Variants in SMYD3 observed in about 807,000 individuals in gnomAD.
The protein encoded by SMYD3 is SET and MYND domain containing 3.
SMYD3 carries 36 observed loss-of-function variants against 57.7 expected under a neutral mutation model. The ratio of observed to expected loss-of-function variants is 0.62; its 90% CI spans 0.48 to 0.82. SMYD3 has a LOEUF of 0.82. Among genes scored for constraint, SMYD3 ranks in the 40% least tolerant of loss-of-function variants. SMYD3 has a pLI of 0.00. For synonymous variants in SMYD3, 211 were observed against 195.0 expected (o/e 1.08, Z -0.68); for missense variants, 515 against 538.8 (o/e 0.96, Z 0.44).
intron 7 of SMYD3, among the ~76,000 whole-genome samples, chr1:245,924,654 G>GGTTTTTTTTTTTTT (rs1558499827): frequency 8.7e-6 from 1 of 115,128 alleles, no homozygotes. Context: ...CTCTATTCCA[G>GGTTTTTTTTTTTTT]CTTTTTTTTT....
At chr1:246,031,597 C>T (rs1404995998) in intron 5 of SMYD3, among the ~76,000 whole-genome samples, 1 of 151,964 alleles carries the variant, frequency 6.6e-6, no homozygotes, top group Non-Finnish European at 1.5e-5. Flanking sequence ...ATTAGCCAGG[C>T]GTGGTGGCGG....
At chr1:246,291,025 T>C (rs1390512226) in intron 5 of SMYD3, among the ~76,000 whole-genome samples, 3 of 143,950 alleles carry the variant, frequency 2.1e-5, no homozygotes, top group Non-Finnish European at 4.5e-5. Flanking sequence ...TAAACAAGCT[T>C]TTAAGCGTGA....
rs566294011 is a variant in SMYD3, at chr1:245,749,354, C to G, written c.*209G>C. The G allele has an allele frequency of 2.0e-6, 1 of 505,950 alleles. No individual in the cohort carries two copies. The highest frequency in any genetic ancestry group is 1.9e-5 in the African/African-American group (1 of 51,316). The allele number at this position is 505,950 out of a possible 1,614,324, so 31.3% of individuals were successfully genotyped here. ...GACAATTACCAGATGGCATCCTCAA[C>G]CAAATGTTTTGAATTTATTATAATC... On this transcript the variant is annotated 3_prime_UTR_variant, in exon 12 of 12. Transcript: ENST00000490107.
intron 5 of SMYD3, among the ~76,000 whole-genome samples, chr1:245,939,631 G>GAAATAAAT (rs5782377): frequency 2.4e-4 from 36 of 150,924 alleles, no homozygotes; most frequent in Middle Eastern, 3.4e-3. Flanking sequence ...GTCTCAGGAA[G>GAAATAAAT]AAATAAATAA....
chr1:246,109,849 C>G (rs532034441), intron 5 of SMYD3: 1 of 152,346 alleles, frequency 6.6e-6, no homozygotes, highest in East Asian at 1.9e-4. Flanking sequence ...CGTTTGCCAT[C>G]TGGGAACAAG....
intron 5 of SMYD3, among the ~76,000 whole-genome samples, chr1:246,277,664 GTTATCCCAATACAGACCACCGCTCA>G (rs1470611910): frequency 6.6e-6 from 1 of 152,096 alleles, no homozygotes; most frequent in East Asian, 1.9e-4. Context: ...AACAAATTGT[GTTATCCCAATACAGACCACCGCTCA>G]GTAATAAAGA....
At chr1:246,230,909 T>C (rs184589485) in intron 5 of SMYD3, among the ~76,000 whole-genome samples, 10 of 152,368 alleles carry the variant, frequency 6.6e-5, no homozygotes, top group African/African-American at 2.4e-4. Context: ...CTGATACATA[T>C]GTACAGCAAA....
At chr1:245,849,588 A>G (rs977499067) in intron 10 of SMYD3, among the ~76,000 whole-genome samples, 1 of 152,160 alleles carries the variant, frequency 6.6e-6, no homozygotes, top group Non-Finnish European at 1.5e-5. Context: ...GTGCAGGATT[A>G]TCACTTCTGA....
chr1:245,858,687 T>A lies in SMYD3; in HGVS notation c.902-17A>T, dbSNP rs748472496. 3 of 1,606,844 alleles carry A rather than the reference T, an allele frequency of 1.9e-6. No homozygotes were observed. The highest frequency in any genetic ancestry group is 2.7e-5 in the African/African-American group (2 of 74,444). Reference sequence around the variant, plus strand: ...GCTCCCACTCTGTTATTAACCTTAGTTAAGGATTCATTGTCTTCATCAAGA... The same window carrying A: ...GCTCCCACTCTGTTATTAACCTTAGATAAGGATTCATTGTCTTCATCAAGA... On this transcript the variant is annotated splice_polypyrimidine_tract_variant and intron_variant, in intron 9 of 11. Transcript: ENST00000490107.
chr1:245,827,884 A>C (rs914211722), intron 10 of SMYD3, among the ~76,000 whole-genome samples: 3 of 152,178 alleles, frequency 2.0e-5, no homozygotes, highest in Non-Finnish European at 2.9e-5. Flanking sequence ...TCTGTCTTCT[A>C]ATCTGTCCTC....
At chr1:246,184,283 GCAA>G (rs2062598442) in intron 5 of SMYD3, among the ~76,000 whole-genome samples, 1 of 152,168 alleles carries the variant, frequency 6.6e-6, no homozygotes, top group Non-Finnish European at 1.5e-5. Context: ...AGAAAGAAAA[GCAA>G]GTATATTGCC....
chr1:246,143,870 A>C (rs1482624797), intron 5 of SMYD3, among the ~76,000 whole-genome samples: 1 of 152,222 alleles, frequency 6.6e-6, no homozygotes, highest in Non-Finnish European at 1.5e-5. Flanking sequence ...AGAAGGGCAC[A>C]GGATCAAGAT....
At chr1:246,108,896 C>T (rs2061178493) in intron 5 of SMYD3, among the ~76,000 whole-genome samples, 1 of 152,176 alleles carries the variant, frequency 6.6e-6, no homozygotes, top group African/African-American at 2.4e-5. Flanking sequence ...AGGTCCTTTC[C>T]CCTCCTCCTG....
chr1:245,914,552 T>C (rs904932235), intron 8 of SMYD3, among the ~76,000 whole-genome samples: 1 of 152,152 alleles, frequency 6.6e-6, no homozygotes, highest in Non-Finnish European at 1.5e-5. Flanking sequence ...CTCACTCATA[T>C]GTGGGAATTA....
At chr1:246,437,066 A>T (rs562230766) in intron 1 of SMYD3, among the ~76,000 whole-genome samples, 2 of 151,852 alleles carry the variant, frequency 1.3e-5, no homozygotes, top group Admixed American at 6.6e-5. Context: ...CACCCAGCTA[A>T]TTTTTTGTAT....
At chr1:246,013,953 G>A (rs761945239) in intron 5 of SMYD3, among the ~76,000 whole-genome samples, 25 of 152,258 alleles carry the variant, frequency 1.6e-4, no homozygotes, top group Non-Finnish European at 3.4e-4. Flanking sequence ...GAATACAGAG[G>A]AAAAAATTAA....
intron 5 of SMYD3, among the ~76,000 whole-genome samples, chr1:246,219,179 C>A (rs1183441548): frequency 6.6e-6 from 1 of 152,154 alleles, no homozygotes; most frequent in Non-Finnish European, 1.5e-5. Context: ...GTAGAACTTA[C>A]ATCCCTGTTT....
intron 5 of SMYD3, among the ~76,000 whole-genome samples, chr1:246,207,012 CA>C (rs759693076): frequency 1.4e-4 from 21 of 152,110 alleles, no homozygotes; most frequent in Non-Finnish European, 1.9e-4. Flanking sequence ...GTTCCCTAAA[CA>C]TTTCATTAGT....
intron 5 of SMYD3, among the ~76,000 whole-genome samples, chr1:245,947,595 A>G (rs1350227969): frequency 6.6e-6 from 1 of 152,178 alleles, no homozygotes; most frequent in Non-Finnish European, 1.5e-5. Flanking sequence ...AATTACCAGA[A>G]TTTACCAGAA....
Sources: gnomAD v4.1 joint callset for allele counts (sites outside exome capture counted in the v4.1 genomes callset) on GRCh38, gnomAD v4.1.1 for gene constraint, MANE v1.5 for transcripts, NCBI Gene and HGNC (gene_info 2026-07-23, HGNC 2026-07-21) for gene names.